The following LAMA4 variants were observed in gnomAD, a reference collection of about 807,000 sequenced individuals.
The protein encoded by LAMA4 is laminin subunit alpha 4.
Under a neutral mutation model 207.1 loss-of-function variants are expected in LAMA4, and 127 were observed. The observed-to-expected ratio is 0.61, with a 90% confidence interval of 0.53 to 0.71. The LOEUF is 0.71. Ranked by LOEUF, LAMA4 falls within the 30% of genes least tolerant of loss-of-function variation. LAMA4 has a pLI of 0.00. For missense variants in LAMA4, 2,093 were observed against 2,246.5 expected, an observed-to-expected ratio of 0.93 and a Z score of 1.38; for synonymous variants, 761 against 816.0, an observed-to-expected ratio of 0.93 and a Z score of 1.15.
intron 3 of LAMA4, among the ~76,000 whole-genome samples, chr6:112,211,724 A>G (rs142838833): frequency 8.5e-5 from 13 of 152,350 alleles, no homozygotes; most frequent in African/African-American, 2.6e-4. Flanking sequence ...TTGTCTTTCA[A>G]GAAATCTCAG....
chr6:112,186,744 G>A (rs1554346759), intron 8 of LAMA4: 1 of 447,966 alleles, frequency 2.2e-6, no homozygotes, highest in South Asian at 1.6e-5. Flanking sequence ...TTTTTTAATT[G>A]TTGCATTATT....
intron 2 of LAMA4, among the ~76,000 whole-genome samples, chr6:112,247,051 T>C (rs1044171774): frequency 2.6e-5 from 4 of 152,170 alleles, no homozygotes; most frequent in Admixed American, 2.6e-4. Flanking sequence ...ACAAAATACT[T>C]TTAACAAGAT....
intron 4 of LAMA4, among the ~76,000 whole-genome samples, chr6:112,203,419 T>G (rs1554353198): frequency 6.6e-6 from 1 of 152,232 alleles, no homozygotes; most frequent in Non-Finnish European, 1.5e-5. Flanking sequence ...CTAGACGCCT[T>G]TCTGAAAAGT....
intron 4 of LAMA4, among the ~76,000 whole-genome samples, chr6:112,203,270 T>TA (rs1783864899): frequency 6.6e-6 from 1 of 152,142 alleles, no homozygotes; most frequent in Admixed American, 6.5e-5. Flanking sequence ...CTTAGGAACT[T>TA]AGAGAAAAAT....
chr6:112,241,177 A>ATG (rs1786464891), intron 2 of LAMA4, among the ~76,000 whole-genome samples: 1 of 142,270 alleles, frequency 7.0e-6, no homozygotes, highest in African/African-American at 2.6e-5. Context: ...ATATGAATAT[A>ATG]TATGAATATA....
chr6:112,168,496 C>A (rs188219184), intron 12 of LAMA4, among the ~76,000 whole-genome samples: 183 of 152,036 alleles, frequency 1.2e-3, no homozygotes, highest in African/African-American at 4.3e-3. Flanking sequence ...CAGGTGCCCA[C>A]CACCATGCCC....
intron 3 of LAMA4, among the ~76,000 whole-genome samples, chr6:112,212,892 C>A (rs1784429856): frequency 6.6e-6 from 1 of 152,136 alleles, no homozygotes; most frequent in Non-Finnish European, 1.5e-5. Flanking sequence ...TGATTTCTGC[C>A]TTACACAGTA....
rs1298039281 is a variant in LAMA4, at chr6:112,154,694, T to C, written c.2056+157A>G. On this transcript the variant is annotated intron_variant, in intron 16 of 38. Coordinates refer to ENST00000230538, the MANE Select transcript of LAMA4 (RefSeq NM_001105206.3). ...ATCACAATTTAAAGTATCAAATCTT[T>C]GCTCTTTTGTAACTTGACTCTGAGC... 17 of 656,086 alleles carry C rather than the reference T, an allele frequency of 2.6e-5. 1 individual carries two copies. The East Asian group carries it at 4.6e-4, about 18-fold the overall frequency. The allele number at this position is 656,086 out of a possible 1,614,324, so 40.6% of individuals were successfully genotyped here.
intron 16 of LAMA4, among the ~76,000 whole-genome samples, chr6:112,153,157 G>A (rs1391946229): frequency 6.6e-6 from 1 of 151,996 alleles, no homozygotes; most frequent in Non-Finnish European, 1.5e-5. Context: ...TCAACTATTT[G>A]ATATATAATG....
intron 12 of LAMA4, among the ~76,000 whole-genome samples, chr6:112,171,176 T>C (rs1433586532): frequency 1.3e-5 from 2 of 152,204 alleles, no homozygotes; most frequent in Non-Finnish European, 2.9e-5. Flanking sequence ...CTTTGATATT[T>C]TCTATTCCCT....
At chr6:112,144,710 G>T (rs562007872) in intron 19 of LAMA4, 84 bp downstream of exon 19, 3 of 1,486,844 alleles carry the variant, frequency 2.0e-6, no homozygotes, top group Non-Finnish European at 9.3e-7. Context: ...AAAGGTCCAG[G>T]CTCTGGAAGC....
intron 7 of LAMA4, among the ~76,000 whole-genome samples, chr6:112,188,516 T>A (rs1442339048): frequency 6.6e-6 from 1 of 152,164 alleles, no homozygotes. Flanking sequence ...CCAAGATACA[T>A]CTGTTTGGGG....
chr6:112,113,054 A>G (rs1777798687), intron 38 of LAMA4, among the ~76,000 whole-genome samples: 1 of 152,188 alleles, frequency 6.6e-6, no homozygotes, highest in Non-Finnish European at 1.5e-5. Context: ...AACTTGGTTA[A>G]TGGATACAAA....
chr6:112,231,819 T>A (rs1161587943), intron 2 of LAMA4, among the ~76,000 whole-genome samples: 1 of 152,232 alleles, frequency 6.6e-6, no homozygotes, highest in Non-Finnish European at 1.5e-5. Context: ...CAATTCTGAC[T>A]GAGCCATGAA....
intron 3 of LAMA4, among the ~76,000 whole-genome samples, chr6:112,208,110 C>T (rs1321565629): frequency 6.6e-6 from 1 of 152,152 alleles, no homozygotes; most frequent in Non-Finnish European, 1.5e-5. Flanking sequence ...CTATTTTTTT[C>T]ATCTTTACAT....
chr6:112,201,665 T>G lies in LAMA4; in HGVS notation c.446A>C (p.Lys149Thr). The change falls in exon 5 of 39, where the codon AAA becomes ACA. Residue 149 changes from lysine to threonine, a missense_variant. Lys to Thr is a moderately conservative substitution (Grantham distance 78). Coordinates refer to ENST00000230538, the MANE Select transcript of LAMA4 (RefSeq NM_001105206.3). ...LANFAESCYRKNGAVRCICNE... is the reference protein window; with the variant it reads ...LANFAESCYRTNGAVRCICNE... ...ACAAATGCACCGAACAGCTCCATTT[T>G]TCCTATAGCAGGATTCTGCAAAACT... The G allele has an allele frequency of 6.2e-7, 1 of 1,613,976 alleles. No homozygotes were observed.
intron 2 of LAMA4, among the ~76,000 whole-genome samples, chr6:112,224,977 C>T (rs1785132386): frequency 6.8e-6 from 1 of 147,962 alleles, no homozygotes; most frequent in Non-Finnish European, 1.5e-5. Context: ...TGGCAGGGGA[C>T]GGGGAAGGGG....
intron 6 of LAMA4, 91 bp downstream of exon 6, chr6:112,191,545 T>C: frequency 1.0e-6 from 1 of 964,424 alleles, no homozygotes; most frequent in South Asian, 1.4e-5. Flanking sequence ...GCACTCACAA[T>C]ACTTCCCCAA....
intron 2 of LAMA4, among the ~76,000 whole-genome samples, chr6:112,235,212 C>G (rs1378987554): frequency 6.6e-6 from 1 of 152,214 alleles, no homozygotes; most frequent in East Asian, 1.9e-4. Flanking sequence ...CTATTAGGTT[C>G]AGGGCATATC....
Sources: gnomAD v4.1 joint callset for allele counts (sites outside exome capture counted in the v4.1 genomes callset) on GRCh38, gnomAD v4.1.1 for gene constraint, MANE v1.5 for transcripts, NCBI Gene and HGNC (gene_info 2026-07-23, HGNC 2026-07-21) for gene names.